Variants in DLG2 observed in about 807,000 individuals in gnomAD.
DLG2 encodes the protein discs large MAGUK scaffold protein 2, also known as disks large homolog 2.
A neutral mutation model predicts 132.5 loss-of-function variants in DLG2; 45 were observed. The ratio of observed to expected loss-of-function variants is 0.34; its 90% CI spans 0.27 to 0.44. The LOEUF is 0.44. Ranked by LOEUF, DLG2 falls within the 20% of genes least tolerant of loss-of-function variation. The pLI is 1.00. For synonymous variants in DLG2, 424 were observed against 419.6 expected, an observed-to-expected ratio of 1.01 and a Z score of -0.13; for missense variants, 1,045 against 1,196.9, an observed-to-expected ratio of 0.87 and a Z score of 1.87.
At chr11:85,247,537 T>C (rs924518527) in intron 4 of DLG2, among the ~76,000 whole-genome samples, 1 of 152,078 alleles carries the variant, frequency 6.6e-6, no homozygotes, top group African/African-American at 2.4e-5. Context: ...GTTTCATTTA[T>C]TCAATTTTCT....
At chr11:85,583,122 GTGTGTGTGTATATATATATATATATA>G (rs1185599528) in intron 3 of DLG2, among the ~76,000 whole-genome samples, 8 of 49,170 alleles carry the variant, frequency 1.6e-4, no homozygotes, top group Non-Finnish European at 2.5e-4. Flanking sequence ...GTGTGTGTGT[GTGTGTGTGTATATATATATATATATA>G]TATATATATA....
At chr11:83,499,785 A>T (rs1427485961) in intron 21 of DLG2, among the ~76,000 whole-genome samples, 5 of 140,530 alleles carry the variant, frequency 3.6e-5, no homozygotes, top group Non-Finnish European at 6.1e-5. Context: ...ATATATATAT[A>T]TTATATATAT....
At chr11:85,078,121 C>A (rs574947014) in intron 6 of DLG2, among the ~76,000 whole-genome samples, 38 of 151,076 alleles carry the variant, frequency 2.5e-4, no homozygotes, top group Middle Eastern at 3.4e-3. Context: ...TAGTAAAAAA[C>A]CGTGCAAAAC....
chr11:83,666,261 G>A (rs1005955380), intron 18 of DLG2, among the ~76,000 whole-genome samples: 25 of 152,132 alleles, frequency 1.6e-4, no homozygotes, highest in East Asian at 1.5e-3. Context: ...CTAGGCAGCC[G>A]TGGTTTCTTT....
rs1429388890 is a variant in DLG2, at chr11:83,930,460, G to A, written c.1364C>T (p.Thr455Ile). 5 of 1,613,972 alleles carry A rather than the reference G, an allele frequency of 3.1e-6. No homozygotes were observed. Among genetic ancestry groups the A allele is most frequent in the Middle Eastern group, 1.6e-4 (1 of 6,084 alleles). Reference protein sequence around the residue: ...YTRPPEPVYSTVNKLCDKPAS... With the variant: ...YTRPPEPVYSIVNKLCDKPAS... Reference sequence around the variant, plus strand: ...AGGCTTATCACATAGTTTGTTCACAGTGCTGTAAACAGGTTCCGGAGGCCT... The same window carrying A: ...AGGCTTATCACATAGTTTGTTCACAATGCTGTAAACAGGTTCCGGAGGCCT... Residue 455 changes from threonine to isoleucine, a missense_variant, in exon 15 of 28, where the codon ACT becomes ATT. Thr to Ile is a moderately conservative substitution (Grantham distance 89). This residue lies in a region of DLG2 where 261 missense variants were observed against 256.1 expected (regional missense o/e 1.02). Coordinates refer to ENST00000376104, the MANE Select transcript of DLG2 (RefSeq NM_001142699.3).
intron 6 of DLG2, among the ~76,000 whole-genome samples, chr11:85,067,075 T>A (rs2065039082): frequency 6.6e-6 from 1 of 151,820 alleles, no homozygotes; most frequent in Non-Finnish European, 1.5e-5. Flanking sequence ...AATCACTACA[T>A]TAAAAAGACC....
Position 83,974,219 on chromosome 11 carries a change from A to G in DLG2, c.1056+6287T>C, listed in dbSNP as rs78099548. On this transcript the variant is annotated intron_variant, in intron 12 of 27. Coordinates refer to ENST00000376104, the MANE Select transcript of DLG2 (RefSeq NM_001142699.3). Reference sequence around the variant, plus strand: ...TTCAGATAATTTCTACATATTCGCAATGTCTTCAATTTGATTTTCTTATTG... The same window carrying G: ...TTCAGATAATTTCTACATATTCGCAGTGTCTTCAATTTGATTTTCTTATTG... Among the ~76,000 whole-genome samples the G allele has an allele frequency of 7.9e-3, 1,207 of 152,128 alleles. 19 individuals are homozygous for G. The highest frequency in any genetic ancestry group is 0.028 in the African/African-American group (1,148 of 41,518).
At chr11:85,016,644 T>C (rs2059602600) in intron 6 of DLG2, among the ~76,000 whole-genome samples, 2 of 152,156 alleles carry the variant, frequency 1.3e-5, no homozygotes, top group South Asian at 4.1e-4. Flanking sequence ...AATTTCTATG[T>C]AGTCAGTTTC....
chr11:83,497,237 T>C (rs911191314), intron 21 of DLG2, among the ~76,000 whole-genome samples: 2 of 151,902 alleles, frequency 1.3e-5, no homozygotes, highest in East Asian at 3.9e-4. Context: ...GGGGGAGAAG[T>C]AATGGAAGAA....
rs1384949278 is a variant in DLG2 at position 85,158,996 on chromosome 11, C to T, written c.187-4345G>A. ...CCCTTGAATGAAGGGGAGACCAGGT[C>T]CCCTTGAGGAAGGACCCTACTACAC... On this transcript the variant is annotated intron_variant, in intron 4 of 27. Coordinates refer to ENST00000376104, the MANE Select transcript of DLG2 (RefSeq NM_001142699.3). Among the ~76,000 whole-genome samples the T allele has an allele frequency of 5.9e-5, 9 of 152,152 alleles. 1 individual carries two copies. The highest frequency in any genetic ancestry group is 1.3e-4 in the Non-Finnish European group (9 of 68,030).
intron 6 of DLG2, among the ~76,000 whole-genome samples, chr11:84,778,099 CG>C (rs2071027143): frequency 6.6e-6 from 1 of 151,742 alleles, no homozygotes; most frequent in Non-Finnish European, 1.5e-5. Flanking sequence ...CTTATGTTTA[CG>C]TCTTTAATCC....
At chr11:85,255,647 A>T (rs1414829986) in intron 4 of DLG2, among the ~76,000 whole-genome samples, 2 of 152,204 alleles carry the variant, frequency 1.3e-5, no homozygotes, top group Non-Finnish European at 2.9e-5. Context: ...AGTAATATCA[A>T]ATACTTGGAA....
At chr11:83,685,385 C>G (rs2079555255) in intron 18 of DLG2, among the ~76,000 whole-genome samples, 1 of 152,154 alleles carries the variant, frequency 6.6e-6, no homozygotes, top group African/African-American at 2.4e-5. Flanking sequence ...AACATTGTCA[C>G]TCACAAAATC....
At chr11:83,614,734 A>G (rs926975535) in intron 19 of DLG2, among the ~76,000 whole-genome samples, 3 of 152,020 alleles carry the variant, frequency 2.0e-5, no homozygotes, top group Non-Finnish European at 4.4e-5. Flanking sequence ...ACAACAACAA[A>G]CCAACCAGAT....
chr11:85,047,772 A>C (rs1316416432), intron 6 of DLG2, among the ~76,000 whole-genome samples: 2 of 151,982 alleles, frequency 1.3e-5, no homozygotes, highest in Non-Finnish European at 2.9e-5. Flanking sequence ...CTAAATAAAA[A>C]ATGAATGTCT....
chr11:84,782,859 G>A (rs150405920), intron 6 of DLG2, among the ~76,000 whole-genome samples: 30 of 152,152 alleles, frequency 2.0e-4, no homozygotes, highest in Non-Finnish European at 2.8e-4. Context: ...TTCCTCTTAA[G>A]AGTGTCACTC....
At chr11:85,237,478 G>C (rs987255141) in intron 4 of DLG2, among the ~76,000 whole-genome samples, 1 of 151,974 alleles carries the variant, frequency 6.6e-6, no homozygotes, top group Non-Finnish European at 1.5e-5. Flanking sequence ...TATGGGCTCT[G>C]ACCTTTGTGC....
chr11:84,936,029 T>C (rs1340245492), intron 6 of DLG2, among the ~76,000 whole-genome samples: 1 of 152,226 alleles, frequency 6.6e-6, no homozygotes, highest in Non-Finnish European at 1.5e-5. Context: ...TTAAGCTCTG[T>C]GAGGTTAGGA....
At chr11:84,035,945 T>A (rs2095852981) in intron 11 of DLG2, among the ~76,000 whole-genome samples, 1 of 152,160 alleles carries the variant, frequency 6.6e-6, no homozygotes, top group Non-Finnish European at 1.5e-5. Context: ...GGATATCATT[T>A]GATGAGCCAA....
Sources: gnomAD v4.1 joint callset for allele counts (sites outside exome capture counted in the v4.1 genomes callset) on GRCh38, gnomAD v4.1.1 for gene constraint, gnomAD v4.1.1 regional missense constraint, MANE v1.5 for transcripts, NCBI Gene and HGNC (gene_info 2026-07-23, HGNC 2026-07-21) for gene names.